The following KIAA1210 variants were observed in gnomAD, a reference collection of about 807,000 sequenced individuals.
KIAA1210 encodes the protein KIAA1210.
Under a neutral mutation model 78.9 loss-of-function variants are expected in KIAA1210, and 48 were observed. The ratio of observed to expected loss-of-function variants is 0.61; its 90% CI spans 0.48 to 0.77. The LOEUF (loss-of-function observed/expected upper bound fraction) is 0.77, where lower values mean the gene tolerates loss of function less well. KIAA1210 is among the 30% of genes least tolerant of loss of function. The pLI is 0.00. For synonymous variants in KIAA1210, 406 were observed against 404.5 expected (o/e 1.00, Z -0.04); for missense variants, 1,108 against 1,100.0 (o/e 1.01, Z -0.10).
Position 119,079,904 on chromosome X carries a change from T to C in KIAA1210, c.*1425A>G, listed in dbSNP as rs1220291588. The C allele has an allele frequency of 8.9e-6, 1 of 111,785 alleles. No homozygotes were observed. The highest frequency in any genetic ancestry group is 3.8e-4 in the South Asian group (1 of 2,635). The allele number at this position is 111,785 out of a possible 1,213,427, so 9.2% of individuals were successfully genotyped here. ...CTCTGTGGCTTTGGGATTGCACTCT[T>C]GCTTTGGGCTAAAACCTTGTGAAGC... On this transcript the variant is annotated 3_prime_UTR_variant, in exon 12 of 12. Coordinates refer to ENST00000691062, the MANE Select transcript of KIAA1210 (RefSeq NM_001394962.1).
rs750439497 is a variant in KIAA1210, at chrX:119,119,278, T to C, written c.62-2614A>G. Reference sequence around the variant, plus strand: ...TAACTGAATAGTGAACTGTACAATATGCATAATTGGAGGCAGAAGCCAGCA... The same window carrying C: ...TAACTGAATAGTGAACTGTACAATACGCATAATTGGAGGCAGAAGCCAGCA... On this transcript the variant is annotated intron_variant, in intron 2 of 11. Transcript: ENST00000691062. 7.1e-5 allele frequency among the ~76,000 whole-genome samples: 8 copies of C among 112,191 alleles called. 1 individual carries two copies. The highest frequency in any genetic ancestry group is 2.6e-4 in the African/African-American group (8 of 30,918).
intron 3 of KIAA1210, among the ~76,000 whole-genome samples, chrX:119,112,384 A>G (rs1234968494): frequency 8.9e-6 from 1 of 111,844 alleles, no homozygotes; most frequent in Non-Finnish European, 1.9e-5. Flanking sequence ...GATCTGAAAC[A>G]TATAAAGAAC....
chrX:119,107,278 AC>A (rs1175033993), intron 5 of KIAA1210, among the ~76,000 whole-genome samples: 4 of 112,804 alleles, frequency 3.5e-5, no homozygotes, highest in African/African-American at 1.3e-4. Context: ...TTTAATTTTC[AC>A]AAAAAATAAT....
At chrX:119,107,733 T>G (rs1255329097) in intron 5 of KIAA1210, among the ~76,000 whole-genome samples, 2 of 111,888 alleles carry the variant, frequency 1.8e-5, no homozygotes, top group Non-Finnish European at 3.8e-5. Flanking sequence ...TAATCATCTC[T>G]CCAATGGAGA....
exon 2 of KIAA1210, chrX:119,147,538 G>T: frequency 8.3e-7 from 1 of 1,210,354 alleles, no homozygotes; most frequent in Non-Finnish European, 1.1e-6. Context: ...CCACTATCCT[G>T]GCCAGATCCC....
intron 1 of KIAA1210, among the ~76,000 whole-genome samples, chrX:119,125,298 T>C (rs1307294636): frequency 9.0e-6 from 1 of 111,225 alleles, no homozygotes; most frequent in African/African-American, 3.3e-5. Flanking sequence ...TGGCAATACC[T>C]ATCAAAATTT....
At chrX:119,109,726 CGT>C (rs1011281417) in intron 3 of KIAA1210, among the ~76,000 whole-genome samples, 1 of 111,573 alleles carries the variant, frequency 9.0e-6, no homozygotes, top group African/African-American at 3.3e-5. Context: ...AAATTTCTCT[CGT>C]GTTTTTGTTT....
chrX:119,135,276 A>G (rs1414605759), intron 2 of KIAA1210, among the ~76,000 whole-genome samples: 1 of 112,215 alleles, frequency 8.9e-6, no homozygotes, highest in Non-Finnish European at 1.9e-5. Context: ...GGTCTATTAC[A>G]TGACCCGAAA....
intron 2 of KIAA1210, among the ~76,000 whole-genome samples, chrX:119,119,382 G>C (rs1448553644): frequency 8.9e-6 from 1 of 112,009 alleles, no homozygotes; most frequent in Non-Finnish European, 1.9e-5. Flanking sequence ...GGATGACTTG[G>C]GCAATTTCTT....
intron 2 of KIAA1210, among the ~76,000 whole-genome samples, chrX:119,133,786 T>A (rs1928851195): frequency 9.1e-6 from 1 of 109,365 alleles, no homozygotes; most frequent in African/African-American, 3.3e-5. Context: ...TGGGTGGGTA[T>A]CTACCCAAAG....
intron 3 of KIAA1210, among the ~76,000 whole-genome samples, chrX:119,109,752 AT>A (rs751431584): frequency 6.3e-5 from 7 of 111,810 alleles, no homozygotes; most frequent in Non-Finnish European, 9.4e-5. Flanking sequence ...TTTAAAAAAA[AT>A]CAAAGATCTT....
chrX:119,119,653 T>A (rs1284599226), intron 2 of KIAA1210, among the ~76,000 whole-genome samples: 1 of 111,367 alleles, frequency 9.0e-6, no homozygotes, highest in Non-Finnish European at 1.9e-5. Flanking sequence ...GAGACCAGCC[T>A]GATCAACATA....
rs1927287856 is a variant in KIAA1210 at position 119,089,390 on chromosome X, T to C, written c.1312A>G (p.Lys438Glu). 8.3e-7 allele frequency: 1 copy of C among 1,210,218 alleles called. No individual in the cohort carries two copies. Among genetic ancestry groups the C allele is most frequent in the Non-Finnish European group, 1.1e-6 (1 of 895,225 alleles). The change falls in exon 9 of 12, where the codon AAA becomes GAA. Residue 438 changes from lysine (K) to glutamate (E), a missense_variant. By Grantham distance (56) the Lys-to-Glu change is moderately conservative. Coordinates refer to ENST00000691062, the MANE Select transcript of KIAA1210 (RefSeq NM_001394962.1). Reference protein sequence around the residue: ...TTTPQGLLSDKDDMGRRNAGI... With the variant: ...TTTPQGLLSDEDDMGRRNAGI... ...GCATTTCTCCTTCCCATGTCATCTT[T>C]ATCTGAAAGCAACCCCTGAGGGGTA...
At chrX:119,116,332 AC>A (rs920726698) in intron 3 of KIAA1210, among the ~76,000 whole-genome samples, 163 bp downstream of exon 3, 2 of 109,646 alleles carry the variant, frequency 1.8e-5, no homozygotes, top group South Asian at 4.0e-4. Context: ...GAAAAGCACC[AC>A]CCCCCTCCCC....
In KIAA1210 at chrX:119,087,366, A is replaced by G. The variant is rs768657094; in HGVS notation, c.3336T>C (p.Phe1112=). Residue 1112 remains phenylalanine (F), a synonymous_variant, in exon 9 of 12, where the codon TTT becomes TTC. Coordinates refer to ENST00000691062, the MANE Select transcript of KIAA1210 (RefSeq NM_001394962.1). ...GCTGCCTGGGAGACAGCTGCTCTTTAAAACTGCTGCACTTCCCAGGAGCTC... is the reference window on the plus strand; with the variant it reads ...GCTGCCTGGGAGACAGCTGCTCTTTGAAACTGCTGCACTTCCCAGGAGCTC... The part of the protein sequence containing the change: ...SERAPGKCSS[F]KEQLSPRQLS... 1 of 1,211,584 alleles carries G rather than the reference A, an allele frequency of 8.3e-7. No individual in the cohort carries two copies. The highest frequency in any genetic ancestry group is 1.8e-5 in the South Asian group (1 of 56,980).
chrX:119,121,051 T>C (rs917769568), intron 2 of KIAA1210, among the ~76,000 whole-genome samples: 3 of 111,402 alleles, frequency 2.7e-5, no homozygotes, highest in South Asian at 3.9e-4. Context: ...ATCCCATGAA[T>C]GAAGACGAGC....
chrX:119,113,464 A>G (rs769295201), intron 3 of KIAA1210, among the ~76,000 whole-genome samples: 59 of 112,082 alleles, frequency 5.3e-4, no homozygotes, highest in African/African-American at 1.9e-3. Context: ...CACATATTGT[A>G]TAATTCATTC....
chrX:119,088,838 G>A lies in KIAA1210; in HGVS notation c.1864C>T (p.His622Tyr). The A allele has an allele frequency of 8.3e-7, 1 of 1,211,304 alleles. No individual in the cohort carries two copies. The highest frequency in any genetic ancestry group is 1.1e-6 in the Non-Finnish European group (1 of 895,217). ...CCCAAGGACTGGGAAGAGTGACCATGAGCCAGTTCTTCAGAACCATCCCCC... is the reference window on the plus strand; with the variant it reads ...CCCAAGGACTGGGAAGAGTGACCATAAGCCAGTTCTTCAGAACCATCCCCC... ...EEGDGSEELA[H>Y]GHSSQSLGKF... Residue 622 changes from histidine to tyrosine, a missense_variant, in exon 9 of 12, where the codon CAT becomes TAT. Physicochemically the swap from His to Tyr is moderately conservative, Grantham distance 83 (BLOSUM62 2). This residue lies in a region of KIAA1210 where 672 missense variants were observed against 607.1 expected (regional missense o/e 1.11). Transcript: ENST00000691062.
At chrX:119,100,937 C>T (rs941333680) in intron 6 of KIAA1210, among the ~76,000 whole-genome samples, 11 of 112,153 alleles carry the variant, frequency 9.8e-5, no homozygotes, top group Admixed American at 7.6e-4. Flanking sequence ...AAATGGGCTC[C>T]TTGTGCCTCA....
Sources: allele counts gnomAD v4.1 joint callset (sites outside exome capture counted in the v4.1 genomes callset), GRCh38; gene constraint gnomAD v4.1.1; regional missense constraint gnomAD v4.1.1; transcripts MANE v1.5; gene names NCBI Gene and HGNC (gene_info 2026-07-23, HGNC 2026-07-21).